CSMD1: variants seen among roughly 807,000 people sequenced by gnomAD.
CSMD1 encodes the protein CUB and sushi domain-containing protein 1.
Under a neutral mutation model 417.5 loss-of-function variants are expected in CSMD1, and 213 were observed. The ratio of observed to expected loss-of-function variants is 0.51; its 90% CI spans 0.46 to 0.57. CSMD1 has a LOEUF of 0.57. Ranked by LOEUF, CSMD1 falls within the 20% of genes least tolerant of loss-of-function variation. The pLI is 0.00. For missense variants in CSMD1, 6,923 were observed against 4,529.7 expected, an observed-to-expected ratio of 1.53 and a Z score of -15.17; for synonymous variants, 2,862 against 1,736.8, an observed-to-expected ratio of 1.65 and a Z score of -16.11.
chr8:3,737,138 T>C (rs1018621086), intron 6 of CSMD1, among the ~76,000 whole-genome samples: 5 of 152,248 alleles, frequency 3.3e-5, no homozygotes, highest in Admixed American at 3.3e-4. Flanking sequence ...TTAAATTAGA[T>C]GGGAACAGAG....
chr8:4,908,565 T>C (rs1805456824), intron 1 of CSMD1, among the ~76,000 whole-genome samples: 1 of 151,952 alleles, frequency 6.6e-6, no homozygotes, highest in African/African-American at 2.4e-5. Flanking sequence ...TTCTTTTTTC[T>C]CTTTTCATTT....
intron 2 of CSMD1, among the ~76,000 whole-genome samples, chr8:4,490,203 G>C (rs1188491750): frequency 2.0e-5 from 3 of 152,024 alleles, no homozygotes; most frequent in Non-Finnish European, 4.4e-5. Context: ...ACTGCAGCCA[G>C]CTAATTTTGT....
Position 4,895,883 on chromosome 8 carries a change from C to G in CSMD1, c.85+98449G>C, listed in dbSNP as rs575156723. Among the ~76,000 whole-genome samples, 77 of 152,182 alleles carry G rather than the reference C, an allele frequency of 5.1e-4. No homozygotes were observed. In the South Asian group the frequency reaches 0.015, roughly 29 times the overall value. Reference sequence around the variant, plus strand: ...CCTTTCACTTGCCTTTTGTTACTTCCCCTGTTGTAAATACGTTGAATTTTG... The same window carrying G: ...CCTTTCACTTGCCTTTTGTTACTTCGCCTGTTGTAAATACGTTGAATTTTG... On this transcript the variant is annotated intron_variant, in intron 1 of 69. Transcript: ENST00000635120.
chr8:4,521,694 C>T (rs752136174), intron 2 of CSMD1, among the ~76,000 whole-genome samples: 12 of 152,138 alleles, frequency 7.9e-5, no homozygotes, highest in African/African-American at 2.9e-4. Flanking sequence ...TTTTATTGCC[C>T]TCCTCTGGTA....
At chr8:3,046,825 G>A (rs1042052840) in intron 50 of CSMD1, among the ~76,000 whole-genome samples, 1 of 152,144 alleles carries the variant, frequency 6.6e-6, no homozygotes. Flanking sequence ...TATTTTCTTT[G>A]TATTAAACCA....
chr8:3,726,244 G>A (rs1205553988), intron 6 of CSMD1, among the ~76,000 whole-genome samples: 1 of 152,152 alleles, frequency 6.6e-6, no homozygotes, highest in Non-Finnish European at 1.5e-5. Context: ...CCCATGAGAG[G>A]CTGGGAAAGA....
At chr8:3,900,595 G>A (rs1413389188) in intron 5 of CSMD1, among the ~76,000 whole-genome samples, 1 of 151,786 alleles carries the variant, frequency 6.6e-6, no homozygotes, top group Non-Finnish European at 1.5e-5. Context: ...CTCTAGCTGG[G>A]TGACAGTGTA....
chr8:4,033,957 A>G (rs935904867), intron 3 of CSMD1, among the ~76,000 whole-genome samples: 3 of 152,224 alleles, frequency 2.0e-5, no homozygotes, highest in Non-Finnish European at 4.4e-5. Context: ...ATTAGCTGCT[A>G]TTTAGTATTC....
chr8:3,440,679 A>C (rs1371937867), intron 12 of CSMD1, among the ~76,000 whole-genome samples: 2 of 152,218 alleles, frequency 1.3e-5, no homozygotes, highest in Non-Finnish European at 2.9e-5. Flanking sequence ...AGCTTCCAGC[A>C]CTATACTGAA....
rs191623974 is a variant in CSMD1, at chr8:3,141,866, C to G, written c.6241+599G>C. ...AGGCTGGAGTGCAGTGGCGCGATCT[C>G]TCCTCACTGCAAGCTCCGCCTCCCG... On this transcript the variant is annotated intron_variant, in intron 41 of 69. Coordinates refer to ENST00000635120, the MANE Select transcript of CSMD1 (RefSeq NM_033225.6). Among the ~76,000 whole-genome samples, 856 of 150,832 alleles carry G rather than the reference C, an allele frequency of 5.7e-3. 7 individuals are homozygous for G. Among genetic ancestry groups the G allele is most frequent in the African/African-American group, 0.02 (805 of 41,084 alleles).
chr8:4,066,573 G>C (rs1358274588), intron 3 of CSMD1, among the ~76,000 whole-genome samples: 2 of 152,108 alleles, frequency 1.3e-5, no homozygotes, highest in Non-Finnish European at 2.9e-5. Context: ...ACATGATGTG[G>C]TAATTGTAGT....
At chr8:4,620,666 C>T (rs796683156) in intron 2 of CSMD1, among the ~76,000 whole-genome samples, 32 of 151,410 alleles carry the variant, frequency 2.1e-4, no homozygotes, top group African/African-American at 6.8e-4. Context: ...ATGCATAGGA[C>T]GAAGATAAAA....
intron 51 of CSMD1, among the ~76,000 whole-genome samples, chr8:3,026,363 G>T (rs745967500): frequency 6.6e-6 from 1 of 152,086 alleles, no homozygotes. Flanking sequence ...GAGCCCACTG[G>T]GCCTCACTGG....
At chr8:4,899,697 A>C (rs541521767) in intron 1 of CSMD1, among the ~76,000 whole-genome samples, 1 of 152,324 alleles carries the variant, frequency 6.6e-6, no homozygotes, top group East Asian at 1.9e-4. Flanking sequence ...AAATGTGTAT[A>C]GTTAAAAATT....
At chr8:4,645,140 T>C (rs1803440891) in intron 1 of CSMD1, among the ~76,000 whole-genome samples, 1 of 152,180 alleles carries the variant, frequency 6.6e-6, no homozygotes, top group Non-Finnish European at 1.5e-5. Flanking sequence ...CCCTGCTTTA[T>C]GGGAAGCTAA....
chr8:3,309,354 C>T (rs1306593428), intron 23 of CSMD1, among the ~76,000 whole-genome samples: 1 of 140,580 alleles, frequency 7.1e-6, no homozygotes, highest in East Asian at 2.0e-4. Context: ...TGAATTACTG[C>T]CGACCACACT....
chr8:4,100,544 T>C (rs779835484), intron 3 of CSMD1, among the ~76,000 whole-genome samples: 2 of 152,142 alleles, frequency 1.3e-5, no homozygotes, highest in Admixed American at 6.6e-5. Context: ...TGTTGAAGGA[T>C]CAAATCAAAG....
At chr8:4,375,205 C>T (rs866594552) in intron 3 of CSMD1, among the ~76,000 whole-genome samples, 5 of 152,120 alleles carry the variant, frequency 3.3e-5, no homozygotes, top group Middle Eastern at 3.4e-3. Context: ...CAAGTCTTTG[C>T]CCACGGGGAT....
At chr8:4,473,947 C>A (rs182427234) in intron 2 of CSMD1, among the ~76,000 whole-genome samples, 1 of 152,180 alleles carries the variant, frequency 6.6e-6, no homozygotes, top group East Asian at 1.9e-4. Context: ...AAATGGTTTT[C>A]TACTGGGGGG....
Sources: allele counts gnomAD v4.1 joint callset (sites outside exome capture counted in the v4.1 genomes callset), GRCh38; gene constraint gnomAD v4.1.1; transcripts MANE v1.5; gene names NCBI Gene and HGNC (gene_info 2026-07-23, HGNC 2026-07-21).